The following PDE10A variants were observed in gnomAD, a reference collection of about 807,000 sequenced individuals.
PDE10A encodes cAMP and cAMP-inhibited cGMP 3',5'-cyclic phosphodiesterase 10A.
In PDE10A, 39 loss-of-function variants were observed where a neutral mutation model predicts 97.7. The ratio of observed to expected loss-of-function variants is 0.40; its 90% CI spans 0.31 to 0.52. The LOEUF (loss-of-function observed/expected upper bound fraction) is 0.52, where lower values mean the gene tolerates loss of function less well. PDE10A is among the 20% of genes least tolerant of loss of function. The probability of loss-of-function intolerance (pLI) is 0.56; values close to 1 mark genes in which losing one functional copy is unlikely to be tolerated. For synonymous variants in PDE10A, 371 were observed against 376.8 expected (o/e 0.98, Z 0.18); for missense variants, 731 against 1,047.8 (o/e 0.70, Z 4.17).
intron 18 of PDE10A, among the ~76,000 whole-genome samples, chr6:165,359,059 G>C (rs1424953599): frequency 6.6e-6 from 1 of 151,844 alleles, no homozygotes; most frequent in Admixed American, 6.6e-5. Flanking sequence ...CATCCTTTGT[G>C]CTGTTTTCAT....
intron 3 of PDE10A, among the ~76,000 whole-genome samples, chr6:165,459,130 G>A (rs1366347639): frequency 6.6e-6 from 1 of 152,180 alleles, no homozygotes; most frequent in Non-Finnish European, 1.5e-5. Context: ...AAACAATGAA[G>A]TGATGAAGCT....
At chr6:165,496,709 A>T (rs911399132) in intron 2 of PDE10A, among the ~76,000 whole-genome samples, 1 of 152,220 alleles carries the variant, frequency 6.6e-6, no homozygotes, top group African/African-American at 2.4e-5. Context: ...TCATTCCAAA[A>T]TGATTCTGTG....
In PDE10A at chr6:165,332,757, C is replaced by T. The variant is rs1781409910; in HGVS notation, c.*268G>A. ...AGCAATATTAGCCTATTAGAAAAGGCTGGTTTGCAAGTCAAATGGAGTCAC... is the reference window on the plus strand; with the variant it reads ...AGCAATATTAGCCTATTAGAAAAGGTTGGTTTGCAAGTCAAATGGAGTCAC... On this transcript the variant is annotated 3_prime_UTR_variant, in exon 22 of 22. Transcript: ENST00000539869. 2.3e-6 allele frequency: 1 copy of T among 439,590 alleles called. No homozygotes were observed. Among genetic ancestry groups the T allele is most frequent in the African/African-American group, 2.0e-5 (1 of 49,284 alleles). 27.2% of individuals were successfully genotyped at this position (439,590 alleles called of 1,614,324 possible). A position where few individuals can be genotyped will look rare whatever the true frequency, so the allele number is the denominator to read the frequency against.
chr6:165,395,307 A>T, intron 14 of PDE10A, 43 bp from the exon 15 acceptor site: 1 of 1,287,782 alleles, frequency 7.8e-7, no homozygotes, highest in Non-Finnish European at 1.1e-6. Flanking sequence ...CGTGATTAGA[A>T]TAAACACAGT....
At chr6:165,585,828 C>T (rs1341538675) in intron 1 of PDE10A, among the ~76,000 whole-genome samples, 9 of 152,106 alleles carry the variant, frequency 5.9e-5, no homozygotes, top group Non-Finnish European at 1.0e-4. Flanking sequence ...CTGAGGAATG[C>T]GAGCCTGTTG....
intron 1 of PDE10A, among the ~76,000 whole-genome samples, chr6:165,881,339 T>C (rs946914904): frequency 1.3e-5 from 2 of 151,944 alleles, no homozygotes; most frequent in East Asian, 3.9e-4. Flanking sequence ...TCTTTACAAG[T>C]AGTTTTCTAG....
chr6:165,822,649 C>T (rs1192378876), intron 1 of PDE10A, among the ~76,000 whole-genome samples: 1 of 151,586 alleles, frequency 6.6e-6, no homozygotes, highest in Admixed American at 6.6e-5. Flanking sequence ...GTACAAGACA[C>T]TTATCACGAA....
intron 1 of PDE10A, among the ~76,000 whole-genome samples, chr6:165,765,333 G>C (rs1007021666): frequency 2.0e-5 from 3 of 152,238 alleles, no homozygotes; most frequent in Admixed American, 2.0e-4. Flanking sequence ...CTGTAGAGCA[G>C]GGGGCGGCGC....
At chr6:165,345,897 G>C (rs1208431816) in intron 18 of PDE10A, among the ~76,000 whole-genome samples, 1 of 152,142 alleles carries the variant, frequency 6.6e-6, no homozygotes, top group East Asian at 1.9e-4. Context: ...AATCAATAAA[G>C]AGAGGCTACC....
intron 1 of PDE10A, among the ~76,000 whole-genome samples, chr6:165,554,871 T>C (rs1241239802): frequency 6.6e-6 from 1 of 152,182 alleles, no homozygotes; most frequent in African/African-American, 2.4e-5. Context: ...TGCAACAACA[T>C]GGATGGAACT....
chr6:165,883,660 A>AG (rs1255603452), intron 1 of PDE10A, among the ~76,000 whole-genome samples: 1 of 152,144 alleles, frequency 6.6e-6, no homozygotes, highest in African/African-American at 2.4e-5. Flanking sequence ...TGAGGGGTCT[A>AG]GGGGGCAACA....
intron 1 of PDE10A, among the ~76,000 whole-genome samples, chr6:165,647,204 G>C (rs377070165): frequency 2.6e-5 from 4 of 152,298 alleles, no homozygotes; most frequent in African/African-American, 9.6e-5. Context: ...CAGTCACAGA[G>C]GGAAACCATA....
chr6:165,444,987 T>C (rs936525321), intron 5 of PDE10A, among the ~76,000 whole-genome samples: 4 of 142,028 alleles, frequency 2.8e-5, no homozygotes, highest in Non-Finnish European at 6.3e-5. Flanking sequence ...CTATAGTATA[T>C]AATTTTTGTT....
At chr6:165,707,661 G>C (rs1791749592) in intron 1 of PDE10A, among the ~76,000 whole-genome samples, 1 of 151,754 alleles carries the variant, frequency 6.6e-6, no homozygotes, top group South Asian at 2.1e-4. Flanking sequence ...GTATATGTGA[G>C]CGTGTGTGTG....
chr6:165,684,196 T>C (rs938850278), intron 1 of PDE10A, among the ~76,000 whole-genome samples: 2 of 152,320 alleles, frequency 1.3e-5, no homozygotes, highest in East Asian at 3.9e-4. Context: ...CTATGTGTAA[T>C]TATTTACTTC....
chr6:165,850,144 C>T (rs187410847), intron 1 of PDE10A, among the ~76,000 whole-genome samples: 19 of 152,324 alleles, frequency 1.2e-4, no homozygotes, highest in Admixed American at 2.6e-4. Flanking sequence ...TGAAACCGTG[C>T]TGATCCGTGT....
chr6:165,818,857 G>A (rs1562752158), intron 1 of PDE10A, among the ~76,000 whole-genome samples: 2 of 152,220 alleles, frequency 1.3e-5, no homozygotes, highest in Non-Finnish European at 2.9e-5. Context: ...CTTCAGCTGT[G>A]TTAGACAGTA....
At chr6:165,584,657 T>A (rs555095141) in intron 1 of PDE10A, among the ~76,000 whole-genome samples, 48 of 152,334 alleles carry the variant, frequency 3.2e-4, no homozygotes, top group Admixed American at 5.9e-4. Flanking sequence ...CTGGTTGCTT[T>A]TCGGCTACAA....
At chr6:165,791,831 G>A (rs1404200040) in intron 1 of PDE10A, among the ~76,000 whole-genome samples, 1 of 152,192 alleles carries the variant, frequency 6.6e-6, no homozygotes, top group Non-Finnish European at 1.5e-5. Flanking sequence ...AGCGTGAGAA[G>A]AATCTCTGTA....
Sources: gnomAD v4.1 joint callset for allele counts (sites outside exome capture counted in the v4.1 genomes callset) on GRCh38, gnomAD v4.1.1 for gene constraint, MANE v1.5 for transcripts, NCBI Gene and HGNC (gene_info 2026-07-23, HGNC 2026-07-21) for gene names.